Variants in ELAVL2 observed in about 807,000 individuals in gnomAD.
ELAVL2 encodes the protein ELAV-like protein 2.
In ELAVL2, 4 loss-of-function variants were observed where a neutral mutation model predicts 34.6. The observed-to-expected ratio is 0.12, with a 90% CI of 0.06 to 0.26. ELAVL2 has a LOEUF of 0.26. Among genes scored for constraint, ELAVL2 ranks in the 10% least tolerant of loss-of-function variants. The pLI is 1.00. For missense variants in ELAVL2, 432 were observed against 442.8 expected (o/e 0.98, Z 0.22); for synonymous variants, 193 against 154.8 (o/e 1.25, Z -1.83).
intron 2 of ELAVL2, among the ~76,000 whole-genome samples, chr9:23,742,162 G>C (rs988844447): frequency 2.0e-5 from 3 of 152,092 alleles, no homozygotes; most frequent in South Asian, 2.1e-4. Flanking sequence ...AACAGATATG[G>C]ATAACCCCAA....
At chr9:23,788,996 G>T (rs1013166889) in intron 1 of ELAVL2, among the ~76,000 whole-genome samples, 3 of 152,214 alleles carry the variant, frequency 2.0e-5, no homozygotes, top group Non-Finnish European at 4.4e-5. Context: ...CTGTGGGTAA[G>T]GAGGAACTAC....
intron 1 of ELAVL2, among the ~76,000 whole-genome samples, chr9:23,810,612 T>C (rs1455415231): frequency 6.6e-6 from 1 of 152,044 alleles, no homozygotes; most frequent in Non-Finnish European, 1.5e-5. Flanking sequence ...CACCTTAAAC[T>C]ACAGCCAGCA....
At chr9:23,822,971 G>T (rs2138643883) in intron 1 of ELAVL2, among the ~76,000 whole-genome samples, 1 of 152,342 alleles carries the variant, frequency 6.6e-6, no homozygotes, top group East Asian at 1.9e-4. Context: ...CAGGGCGGGT[G>T]TGGGAGAGGC....
chr9:23,750,556 G>A lies in ELAVL2; in HGVS notation c.229+11450C>T, dbSNP rs147383829. On this transcript the variant is annotated intron_variant, in intron 2 of 6. Coordinates refer to ENST00000397312, the MANE Select transcript of ELAVL2 (RefSeq NM_004432.5). ...GCACCATATAATGGCAAAATCACTT[G>A]GCACCATGTTTAAAAAGAGCTAACC... Among the ~76,000 whole-genome samples the A allele has an allele frequency of 6.9e-3, 1,053 of 152,072 alleles. 3 individuals are homozygous for A. The highest frequency in any genetic ancestry group is 0.017 in the Middle Eastern group (5 of 294).
intron 1 of ELAVL2, among the ~76,000 whole-genome samples, chr9:23,771,296 C>T (rs1013860472): frequency 6.6e-6 from 1 of 152,140 alleles, no homozygotes; most frequent in African/African-American, 2.4e-5. Context: ...GGTTTAGATA[C>T]TAACTGCTCA....
intron 5 of ELAVL2, among the ~76,000 whole-genome samples, chr9:23,697,744 TG>T (rs2035763039): frequency 6.6e-6 from 1 of 152,176 alleles, no homozygotes; most frequent in African/African-American, 2.4e-5. Context: ...AATTAGCTGA[TG>T]GACTATGGGA....
intron 3 of ELAVL2, among the ~76,000 whole-genome samples, chr9:23,709,306 T>C (rs73654356): frequency 0.04 from 6,140 of 152,276 alleles, 183 homozygotes; most frequent in South Asian, 0.085. Flanking sequence ...AAAATGTATT[T>C]AGACCTAAGT....
intron 1 of ELAVL2, chr9:23,779,268 C>T: frequency 3.0e-6 from 3 of 985,318 alleles, no homozygotes; most frequent in Non-Finnish European, 2.4e-6. Flanking sequence ...TTGGTTTACC[C>T]CAGTAGAATC....
Position 23,692,483 on chromosome 9 carries a change from A to C in ELAVL2, c.*74T>G, listed in dbSNP as rs575780217. 4.9e-6 allele frequency: 7 copies of C among 1,423,180 alleles called. No individual in the cohort carries two copies. In the South Asian group the frequency reaches 1.0e-4, roughly 21 times the overall value. The allele number at this position is 1,423,180 out of a possible 1,614,324, so 88.2% of individuals were successfully genotyped here. A position where few individuals can be genotyped will look rare whatever the true frequency, so the allele number is the denominator to read the frequency against. ...ACACTGACTTACAAAGACATTTACT[A>C]ATGTATAAAGTTTCTCTTAACTTGC... On this transcript the variant is annotated 3_prime_UTR_variant, in exon 7 of 7. Coordinates refer to ENST00000397312, the MANE Select transcript of ELAVL2 (RefSeq NM_004432.5).
At chr9:23,748,837 C>T (rs555024624) in intron 2 of ELAVL2, among the ~76,000 whole-genome samples, 2 of 152,086 alleles carry the variant, frequency 1.3e-5, no homozygotes, top group African/African-American at 2.4e-5. Flanking sequence ...AAACTAGTAT[C>T]TCCTGAAAAC....
At chr9:23,790,505 T>C (rs1263370476) in intron 1 of ELAVL2, among the ~76,000 whole-genome samples, 3 of 152,158 alleles carry the variant, frequency 2.0e-5, no homozygotes, top group East Asian at 1.9e-4. Flanking sequence ...CACTAAAAAC[T>C]TGAAGGAAGT....
At chr9:23,789,996 T>G (rs1238603529) in intron 1 of ELAVL2, among the ~76,000 whole-genome samples, 1 of 151,912 alleles carries the variant, frequency 6.6e-6, no homozygotes, top group East Asian at 1.9e-4. Flanking sequence ...GAAACCAAAG[T>G]TTTCAAAGGG....
chr9:23,792,848 G>A (rs1015379096), intron 1 of ELAVL2, among the ~76,000 whole-genome samples: 3 of 152,012 alleles, frequency 2.0e-5, no homozygotes, highest in African/African-American at 7.3e-5. Flanking sequence ...ACAGCTCACG[G>A]TGGCCTCCAA....
intron 1 of ELAVL2, 135 bp from the exon 2 acceptor site, chr9:23,762,384 G>T: frequency 8.8e-7 from 1 of 1,132,816 alleles, no homozygotes; most frequent in Non-Finnish European, 1.2e-6. Context: ...AACAAAAAGT[G>T]TAATACCTAC....
chr9:23,782,305 CAG>C (rs775407742), intron 1 of ELAVL2, among the ~76,000 whole-genome samples: 26 of 152,144 alleles, frequency 1.7e-4, no homozygotes, highest in East Asian at 1.9e-4. Flanking sequence ...GTGCTTAACG[CAG>C]AGTCTTAGCA....
chr9:23,692,893 C>A lies in ELAVL2; in HGVS notation c.753-9G>T, dbSNP rs755454706. 3.1e-6 allele frequency: 5 copies of A among 1,612,064 alleles called. No homozygotes were observed. The stretch of plus-strand genomic sequence containing the variant: ...TGGTCATTGGAGAAAACCTGCTAAA[C>A]AGAATAGGAAATACACACATACACA... On this transcript the variant is annotated splice_polypyrimidine_tract_variant and intron_variant, in intron 6 of 6. Coordinates refer to ENST00000397312, the MANE Select transcript of ELAVL2 (RefSeq NM_004432.5).
chr9:23,756,304 A>T (rs2053543956), intron 2 of ELAVL2, among the ~76,000 whole-genome samples: 1 of 152,194 alleles, frequency 6.6e-6, no homozygotes, highest in South Asian at 2.1e-4. Flanking sequence ...CTACCTACTC[A>T]GAGGTAATCA....
chr9:23,733,676 A>G (rs1242719316), intron 2 of ELAVL2, among the ~76,000 whole-genome samples: 1 of 152,170 alleles, frequency 6.6e-6, no homozygotes, highest in African/African-American at 2.4e-5. Flanking sequence ...CACTGGGTAA[A>G]GTGAAAAGCC....
At chr9:23,728,182 G>A (rs909572983) in intron 3 of ELAVL2, among the ~76,000 whole-genome samples, 11 of 151,824 alleles carry the variant, frequency 7.2e-5, no homozygotes, top group African/African-American at 2.7e-4. Flanking sequence ...ATTACATATG[G>A]GTCCCCCTGT....
Sources: gnomAD v4.1 joint callset for allele counts (sites outside exome capture counted in the v4.1 genomes callset) on GRCh38, gnomAD v4.1.1 for gene constraint, MANE v1.5 for transcripts, NCBI Gene and HGNC (gene_info 2026-07-23, HGNC 2026-07-21) for gene names.